Variants in CPNE4 observed in about 807,000 individuals in gnomAD.
CPNE4 encodes copine-4.
CPNE4 carries 25 observed loss-of-function variants against 67.9 expected under a neutral mutation model. The ratio of observed to expected loss-of-function variants is 0.37; its 90% CI spans 0.27 to 0.51. CPNE4 has a LOEUF of 0.51. Among genes scored for constraint, CPNE4 ranks in the 20% least tolerant of loss-of-function variants. CPNE4 has a pLI of 0.93. For missense variants in CPNE4, 464 were observed against 690.8 expected, an observed-to-expected ratio of 0.67 and a Z score of 3.68; for synonymous variants, 242 against 244.9, an observed-to-expected ratio of 0.99 and a Z score of 0.11.
intron 7 of CPNE4, among the ~76,000 whole-genome samples, chr3:131,596,621 C>CAAAAAAAAAA (rs58456346): frequency 4.2e-4 from 14 of 32,980 alleles, no homozygotes; most frequent in African/African-American, 1.1e-3. Flanking sequence ...GACTCCGTCT[C>CAAAAAAAAAA]AAAAAAAAAA....
intron 7 of CPNE4, among the ~76,000 whole-genome samples, chr3:131,652,024 G>A (rs915686308): frequency 3.3e-5 from 5 of 152,238 alleles, no homozygotes; most frequent in Admixed American, 1.3e-4. Context: ...TGCTCTCTTC[G>A]TTACTCAGAT....
intron 7 of CPNE4, among the ~76,000 whole-genome samples, chr3:131,664,383 T>A (rs1219646086): frequency 6.6e-6 from 1 of 152,218 alleles, no homozygotes; most frequent in Non-Finnish European, 1.5e-5. Context: ...AATGCCATAT[T>A]TCCTAGAATC....
intron 10 of CPNE4, among the ~76,000 whole-genome samples, chr3:131,564,931 G>T (rs956465203): frequency 9.2e-5 from 14 of 151,962 alleles, no homozygotes; most frequent in Non-Finnish European, 2.1e-4. Context: ...AAGAACTCCT[G>T]CCTACAACAA....
chr3:131,712,185 C>T (rs571534283), intron 3 of CPNE4, among the ~76,000 whole-genome samples: 251 of 152,296 alleles, frequency 1.6e-3, no homozygotes, highest in Middle Eastern at 0.01. Flanking sequence ...AGTCAGCATG[C>T]GGGTCTTATT....
At chr3:131,631,334 C>T (rs886068678) in intron 7 of CPNE4, among the ~76,000 whole-genome samples, 4 of 151,976 alleles carry the variant, frequency 2.6e-5, no homozygotes, top group East Asian at 1.9e-4. Context: ...CATGTCTCTC[C>T]GGGGATTTTT....
intron 2 of CPNE4, among the ~76,000 whole-genome samples, chr3:131,757,125 G>T (rs2082770019): frequency 6.6e-6 from 1 of 152,160 alleles, no homozygotes; most frequent in Non-Finnish European, 1.5e-5. Context: ...AAGTAAGGGG[G>T]TTGCTGAAAA....
intron 3 of CPNE4, among the ~76,000 whole-genome samples, chr3:131,716,889 C>T (rs1007531704): frequency 1.2e-4 from 19 of 152,226 alleles, no homozygotes; most frequent in Admixed American, 4.6e-4. Flanking sequence ...GACCCCACAC[C>T]ATGTACACGT....
At chr3:131,967,760 T>G (rs968847787) in intron 1 of CPNE4, among the ~76,000 whole-genome samples, 1 of 152,052 alleles carries the variant, frequency 6.6e-6, no homozygotes, top group South Asian at 2.1e-4. Context: ...AAAATCAATA[T>G]CGTGAAAATG....
intron 2 of CPNE4, among the ~76,000 whole-genome samples, chr3:131,807,221 A>G (rs2084349346): frequency 6.6e-6 from 1 of 152,204 alleles, no homozygotes; most frequent in Non-Finnish European, 1.5e-5. Context: ...ACACTTGAAC[A>G]GAAGTTTCCT....
At chr3:131,599,791 G>T (rs1177409255) in intron 7 of CPNE4, among the ~76,000 whole-genome samples, 1 of 152,162 alleles carries the variant, frequency 6.6e-6, no homozygotes, top group Non-Finnish European at 1.5e-5. Context: ...TGCTGGAGGG[G>T]TGAGGCACAG....
chr3:131,955,005 G>T (rs898473057), intron 1 of CPNE4, among the ~76,000 whole-genome samples: 2 of 147,718 alleles, frequency 1.4e-5, no homozygotes, highest in Admixed American at 6.7e-5. Context: ...TCACAGATAC[G>T]CACACCAATT....
chr3:131,642,786 T>C (rs1338426533), intron 7 of CPNE4, among the ~76,000 whole-genome samples: 1 of 152,200 alleles, frequency 6.6e-6, no homozygotes, highest in East Asian at 1.9e-4. Flanking sequence ...CTTTCTGTCA[T>C]AATTGTAAGT....
chr3:131,723,828 C>A (rs1363464442), intron 2 of CPNE4, among the ~76,000 whole-genome samples: 1 of 152,080 alleles, frequency 6.6e-6, no homozygotes, highest in Non-Finnish European at 1.5e-5. Flanking sequence ...TAATGTTAGA[C>A]ATGTAAATAA....
At chr3:131,854,288 T>C (rs1444189084) in intron 2 of CPNE4, among the ~76,000 whole-genome samples, 1 of 151,888 alleles carries the variant, frequency 6.6e-6, no homozygotes, top group Non-Finnish European at 1.5e-5. Flanking sequence ...AGAGTACATT[T>C]ACATGAACTT....
intron 2 of CPNE4, among the ~76,000 whole-genome samples, chr3:131,739,676 AAAG>A (rs1472067069): frequency 6.6e-6 from 1 of 152,246 alleles, no homozygotes; most frequent in African/African-American, 2.4e-5. Flanking sequence ...CCAGTAAAGG[AAAG>A]AAGATGACAT....
chr3:131,748,094 A>G (rs1186600795), intron 2 of CPNE4, among the ~76,000 whole-genome samples: 1 of 152,020 alleles, frequency 6.6e-6, no homozygotes, highest in Non-Finnish European at 1.5e-5. Flanking sequence ...TTTTGGCATC[A>G]ATATGATCAT....
At chr3:131,782,136 T>C (rs999137412) in intron 2 of CPNE4, among the ~76,000 whole-genome samples, 2 of 152,136 alleles carry the variant, frequency 1.3e-5, no homozygotes, top group African/African-American at 4.8e-5. Flanking sequence ...TGCTCTTAAG[T>C]ATCTTCAAAA....
chr3:131,671,097 T>C (rs970717204), intron 6 of CPNE4, among the ~76,000 whole-genome samples: 4 of 152,216 alleles, frequency 2.6e-5, no homozygotes, highest in African/African-American at 9.7e-5. Flanking sequence ...CTAGAATTTG[T>C]TTTTTAATTA....
intron 1 of CPNE4, among the ~76,000 whole-genome samples, chr3:132,014,434 C>A (rs1257434435): frequency 6.6e-6 from 1 of 152,030 alleles, no homozygotes; most frequent in Non-Finnish European, 1.5e-5. Context: ...GGGCTAGGGT[C>A]GCCTGAGGAG....
Sources: gnomAD v4.1 joint callset for allele counts (sites outside exome capture counted in the v4.1 genomes callset) on GRCh38, gnomAD v4.1.1 for gene constraint, MANE v1.5 for transcripts, NCBI Gene and HGNC (gene_info 2026-07-23, HGNC 2026-07-21) for gene names.